The following SEC31A variants were observed in gnomAD, a reference collection of about 807,000 sequenced individuals.
SEC31A encodes protein transport protein Sec31A.
Under a neutral mutation model 151.0 loss-of-function variants are expected in SEC31A, and 70 were observed. The observed-to-expected ratio is 0.46, with a 90% confidence interval of 0.38 to 0.57. The LOEUF (loss-of-function observed/expected upper bound fraction) is 0.57. Among genes scored for constraint, SEC31A ranks in the 20% least tolerant of loss-of-function variants. The probability of loss-of-function intolerance (pLI) is 0.00; values close to 1 mark genes in which losing one functional copy is unlikely to be tolerated. For missense variants in SEC31A, 1,330 were observed against 1,471.2 expected (o/e 0.90, Z 1.57); for synonymous variants, 475 against 505.9 (o/e 0.94, Z 0.82).
chr4:82,831,214 T>C (rs980693193), intron 22 of SEC31A: 2 of 155,846 alleles, frequency 1.3e-5, no homozygotes, highest in Non-Finnish European at 2.8e-5. Context: ...CTCTTAAACA[T>C]CACTTTTTTC....
At position 82,842,460 on chromosome 4, in the gene SEC31A, T is replaced by C. The variant is rs1317193196; in HGVS notation, c.2648A>G (p.Tyr883Cys). ...TGCTGACCCCCCTGTTCCGAAGGGA[T>C]ACGGCTGGGCTGGTTGATAAGCTAC... Reference protein sequence around the residue: ...QPQPYQPAQPYPFGTGGSAMY... With the variant: ...QPQPYQPAQPCPFGTGGSAMY... Residue 883 changes from tyrosine to cysteine, a missense_variant, in exon 22 of 27, where the codon TAT becomes TGT. Tyr to Cys is a radical substitution (Grantham distance 194). Coordinates refer to ENST00000395310, the MANE Select transcript of SEC31A (RefSeq NM_001077207.4). The C allele has an allele frequency of 6.2e-7, 1 of 1,612,782 alleles. No homozygotes were observed. Among genetic ancestry groups the C allele is most frequent in the Non-Finnish European group, 8.5e-7 (1 of 1,179,436 alleles).
chr4:82,827,743 T>A (rs920559633), intron 23 of SEC31A, 111 bp from the exon 24 acceptor site: 1 of 991,820 alleles, frequency 1.0e-6, no homozygotes. Flanking sequence ...ACAAATTTTT[T>A]AATAGTAGTA....
At chr4:82,829,156 C>G in intron 22 of SEC31A, 98 bp from the exon 23 acceptor site, 1 of 953,126 alleles carries the variant, frequency 1.0e-6, no homozygotes, top group Non-Finnish European at 1.7e-6. Context: ...CTGCCTTAAC[C>G]CTGAAATAAC....
intron 22 of SEC31A, among the ~76,000 whole-genome samples, chr4:82,831,892 A>G (rs1726044929): frequency 2.0e-5 from 3 of 152,232 alleles, no homozygotes; most frequent in Non-Finnish European, 4.4e-5. Flanking sequence ...ACTACAAACC[A>G]CTGCTCAAGA....
intron 15 of SEC31A, 53 bp downstream of exon 15, chr4:82,857,635 AT>A: frequency 8.8e-7 from 1 of 1,141,134 alleles, no homozygotes; most frequent in Non-Finnish European, 1.3e-6. Context: ...TGCAGGAACT[AT>A]TTGTTTTCCA....
intron 20 of SEC31A, among the ~76,000 whole-genome samples, chr4:82,846,250 G>C (rs1199723443): frequency 6.6e-6 from 1 of 151,610 alleles, no homozygotes; most frequent in South Asian, 2.1e-4. Context: ...TGATCCGCCC[G>C]CCTCAGCCTC....
intron 14 of SEC31A, among the ~76,000 whole-genome samples, chr4:82,858,661 A>T (rs1289106056): frequency 6.7e-6 from 1 of 150,266 alleles, no homozygotes; most frequent in East Asian, 2.0e-4. Flanking sequence ...GGTAACTATG[A>T]GTGGCTCAAA....
intron 4 of SEC31A, among the ~76,000 whole-genome samples, chr4:82,876,808 A>G (rs961274228): frequency 6.6e-6 from 1 of 152,198 alleles, no homozygotes; most frequent in African/African-American, 2.4e-5. Flanking sequence ...ATTATTCTCT[A>G]TCAGTTGGCA....
chr4:82,875,913 A>T (rs1737806039), intron 4 of SEC31A, 91 bp from the exon 5 acceptor site: 1 of 580,788 alleles, frequency 1.7e-6, no homozygotes, highest in Admixed American at 3.7e-5. Context: ...TATTAGATGT[A>T]GCATACACAA....
intron 22 of SEC31A, among the ~76,000 whole-genome samples, chr4:82,839,680 C>T (rs1212936531): frequency 6.6e-6 from 1 of 152,214 alleles, no homozygotes; most frequent in Non-Finnish European, 1.5e-5. Flanking sequence ...ATACAGCAGA[C>T]TACTATAAGA....
intron 14 of SEC31A, 101 bp from the exon 15 acceptor site, chr4:82,857,865 GACATACC>G: frequency 1.4e-6 from 1 of 693,068 alleles, no homozygotes; most frequent in Non-Finnish European, 2.5e-6. Flanking sequence ...CAGAGTAGAT[GACATACC>G]AAGTTATTCC....
intron 1 of SEC31A, among the ~76,000 whole-genome samples, chr4:82,882,844 A>G (rs1739693401): frequency 1.3e-5 from 2 of 152,238 alleles, no homozygotes; most frequent in South Asian, 4.1e-4. Context: ...GGAGTCAGGC[A>G]TGGTGGCTCA....
intron 18 of SEC31A, 51 bp downstream of exon 18, chr4:82,853,519 G>C: frequency 7.0e-7 from 1 of 1,427,702 alleles, no homozygotes; most frequent in Non-Finnish European, 9.4e-7. Flanking sequence ...ATGATAAGTA[G>C]GGTGAAAGAC....
At chr4:82,878,368 C>A (rs1392452953) in intron 4 of SEC31A, among the ~76,000 whole-genome samples, 2 of 152,068 alleles carry the variant, frequency 1.3e-5, no homozygotes, top group East Asian at 3.9e-4. Context: ...GTGGCAGGCG[C>A]CTGTAATCCC....
Position 82,844,526 on chromosome 4 carries a change from T to TGGTA in SEC31A, c.2503-21_2503-18dup, listed in dbSNP as rs755985373. On this transcript the variant is annotated splice_polypyrimidine_tract_variant and intron_variant, in intron 20 of 26. Coordinates refer to ENST00000395310, the MANE Select transcript of SEC31A (RefSeq NM_001077207.4). ...ATTTTCTCCCTAAGAAACAAGAACATGGTAAGAAGGCGGATACAAGTAGAA... is the reference window on the plus strand; with the variant it reads ...ATTTTCTCCCTAAGAAACAAGAACATGGTAGGTAAGAAGGCGGATACAAGTAGAA... 6.8e-6 allele frequency: 11 copies of TGGTA among 1,611,966 alleles called. No individual in the cohort carries two copies. Among genetic ancestry groups the TGGTA allele is most frequent in the Non-Finnish European group, 1.7e-6 (2 of 1,178,394 alleles).
intron 25 of SEC31A, among the ~76,000 whole-genome samples, chr4:82,822,053 T>A (rs1262368645): frequency 1.3e-5 from 2 of 152,164 alleles, no homozygotes; most frequent in Non-Finnish European, 2.9e-5. Context: ...CACTGTAAAG[T>A]ATAATCAAAG....
intron 3 of SEC31A, among the ~76,000 whole-genome samples, chr4:82,899,082 T>C (rs541754375): frequency 2.0e-5 from 3 of 152,176 alleles, no homozygotes; most frequent in Admixed American, 2.0e-4. Flanking sequence ...TCTGAAAACA[T>C]TCCAAGTGAA....
upstream of SEC31A, among the ~76,000 whole-genome samples, chr4:82,892,083 TA>T (rs1488445299): frequency 6.6e-6 from 1 of 152,238 alleles, no homozygotes; most frequent in African/African-American, 2.4e-5. Flanking sequence ...ACATCTTCTG[TA>T]ACATTCCATC....
chr4:82,823,171 C>T (rs1448481213), intron 25 of SEC31A, among the ~76,000 whole-genome samples: 1 of 152,048 alleles, frequency 6.6e-6, no homozygotes, highest in Non-Finnish European at 1.5e-5. Flanking sequence ...GTATGATGAC[C>T]GAGAGAAGGG....
Sources: allele counts gnomAD v4.1 joint callset (sites outside exome capture counted in the v4.1 genomes callset), GRCh38; gene constraint gnomAD v4.1.1; transcripts MANE v1.5; gene names NCBI Gene and HGNC (gene_info 2026-07-23, HGNC 2026-07-21).